NKAIN3: variants seen among roughly 807,000 people sequenced by gnomAD.
NKAIN3 encodes sodium/potassium-transporting ATPase subunit beta-1-interacting protein 3.
A neutral mutation model predicts 30.2 loss-of-function variants in NKAIN3; 25 were observed. The observed-to-expected ratio is 0.83, with a 90% CI of 0.60 to 1.16. The LOEUF is 1.16. Ranked by LOEUF, NKAIN3 falls within the 50% of genes most tolerant of loss-of-function variation. The pLI, the probability that NKAIN3 is intolerant of heterozygous loss-of-function variation, is 0.00. For missense variants in NKAIN3, 225 were observed against 254.1 expected (o/e 0.89, Z 0.78); for synonymous variants, 91 against 89.6 (o/e 1.02, Z -0.09).
chr8:62,851,145 G>A (rs1006302372), intron 4 of NKAIN3, among the ~76,000 whole-genome samples: 10 of 152,034 alleles, frequency 6.6e-5, no homozygotes, highest in African/African-American at 2.4e-4. Context: ...GCAGTGGTTT[G>A]TAGTTCTCCT....
At chr8:62,575,513 C>T (rs1336988890) in intron 1 of NKAIN3, among the ~76,000 whole-genome samples, 1 of 152,046 alleles carries the variant, frequency 6.6e-6, no homozygotes, top group Non-Finnish European at 1.5e-5. Context: ...TTGAAAGAAT[C>T]AATATTGTTA....
At chr8:62,503,546 G>A (rs879539452) in intron 1 of NKAIN3, among the ~76,000 whole-genome samples, 1 of 152,064 alleles carries the variant, frequency 6.6e-6, no homozygotes, top group African/African-American at 2.4e-5. Flanking sequence ...TAAGCCTGAG[G>A]GTACTGCAGG....
chr8:62,402,774 A>C (rs1441683714), intron 1 of NKAIN3, among the ~76,000 whole-genome samples: 5 of 152,170 alleles, frequency 3.3e-5, no homozygotes, highest in Non-Finnish European at 7.3e-5. Context: ...CCGCGTGGGA[A>C]CAGACTAATA....
chr8:62,850,347 G>C (rs1004487530), intron 4 of NKAIN3, among the ~76,000 whole-genome samples: 2 of 152,022 alleles, frequency 1.3e-5, no homozygotes, highest in African/African-American at 4.8e-5. Context: ...TGTAGATTCT[G>C]CATATTAGCC....
chr8:62,485,159 G>T (rs911662304), intron 1 of NKAIN3, among the ~76,000 whole-genome samples: 1 of 151,994 alleles, frequency 6.6e-6, no homozygotes, highest in Non-Finnish European at 1.5e-5. Context: ...AAATTCTGGT[G>T]CCTCCTGCTT....
intron 1 of NKAIN3, among the ~76,000 whole-genome samples, chr8:62,399,364 A>C (rs1398089834): frequency 1.3e-5 from 2 of 151,624 alleles, no homozygotes. Flanking sequence ...AAATTAGCAG[A>C]GAGTGGTGGT....
chr8:62,992,878 A>G (rs1326831908), intron 5 of NKAIN3, among the ~76,000 whole-genome samples: 12 of 152,180 alleles, frequency 7.9e-5, no homozygotes, highest in Non-Finnish European at 1.8e-4. Context: ...CTTCGTGCAT[A>G]AGAGCAATCT....
At chr8:62,539,694 A>G (rs1264790636) in intron 1 of NKAIN3, among the ~76,000 whole-genome samples, 5 of 152,128 alleles carry the variant, frequency 3.3e-5, no homozygotes, top group African/African-American at 7.2e-5. Flanking sequence ...AGCTCAAGCA[A>G]TCCTCCCACC....
chr8:62,876,540 A>G (rs932362825), intron 4 of NKAIN3, among the ~76,000 whole-genome samples: 2 of 152,236 alleles, frequency 1.3e-5, no homozygotes, highest in Non-Finnish European at 2.9e-5. Context: ...ACTATTTACA[A>G]TAGCAAAGAC....
chr8:62,933,548 G>C (rs1010955543), intron 5 of NKAIN3, among the ~76,000 whole-genome samples: 6 of 152,094 alleles, frequency 3.9e-5, no homozygotes, highest in African/African-American at 9.7e-5. Flanking sequence ...TTACCTTTTG[G>C]ACCATGATTT....
intron 3 of NKAIN3, among the ~76,000 whole-genome samples, chr8:62,626,574 C>T (rs947535714): frequency 6.6e-6 from 1 of 152,028 alleles, no homozygotes; most frequent in South Asian, 2.1e-4. Flanking sequence ...TGTCTAAAGG[C>T]GGGGGCTTTG....
chr8:62,364,282 C>T (rs1816657442), intron 1 of NKAIN3, among the ~76,000 whole-genome samples: 1 of 152,120 alleles, frequency 6.6e-6, no homozygotes, highest in Non-Finnish European at 1.5e-5. Context: ...ATTAGCAAGT[C>T]AGGACTTGTA....
chr8:62,776,111 A>T (rs2130644753), intron 4 of NKAIN3, among the ~76,000 whole-genome samples: 1 of 152,080 alleles, frequency 6.6e-6, no homozygotes, highest in East Asian at 1.9e-4. Context: ...TTCCATTTGC[A>T]TGAAATACTT....
At chr8:62,455,641 CACTTGT>C (rs1178467814) in intron 1 of NKAIN3, among the ~76,000 whole-genome samples, 2 of 152,190 alleles carry the variant, frequency 1.3e-5, no homozygotes, top group Non-Finnish European at 2.9e-5. Context: ...GCATGTAATA[CACTTGT>C]ACTTGTACCC....
intron 1 of NKAIN3, among the ~76,000 whole-genome samples, chr8:62,323,681 G>T (rs1354738819): frequency 6.6e-6 from 1 of 152,072 alleles, no homozygotes; most frequent in Non-Finnish European, 1.5e-5. Context: ...CTTGACACAA[G>T]TGCCTCCATT....
rs1817145173 is a variant in NKAIN3 at position 62,377,902 on chromosome 8, AAT to A, written c.54+128777_54+128778del. Among the ~76,000 whole-genome samples, 3 of 152,184 alleles carry A rather than the reference AAT, an allele frequency of 2.0e-5. No individual in the cohort carries two copies. The South Asian group carries it at 6.2e-4, about 31-fold the overall frequency. ...CTTCATAGTGATGTGAGAATGGACTAATACAGTAAATTGATATCAGAAATGGG... is the reference window on the plus strand; with the variant it reads ...CTTCATAGTGATGTGAGAATGGACTAACAGTAAATTGATATCAGAAATGGG... On this transcript the variant is annotated intron_variant, in intron 1 of 6. Coordinates refer to ENST00000623646, the MANE Select transcript of NKAIN3 (RefSeq NM_001304533.3).
chr8:62,318,615 G>A (rs528865024), intron 1 of NKAIN3, among the ~76,000 whole-genome samples: 1 of 149,726 alleles, frequency 6.7e-6, no homozygotes, highest in Non-Finnish European at 1.5e-5. Flanking sequence ...CATTGGTTCT[G>A]TTTATATGCT....
chr8:62,341,484 G>A (rs1008453524), intron 1 of NKAIN3, among the ~76,000 whole-genome samples: 1 of 151,938 alleles, frequency 6.6e-6, no homozygotes, highest in Non-Finnish European at 1.5e-5. Flanking sequence ...GGCAAGAGAG[G>A]TCACATTGCT....
intron 3 of NKAIN3, among the ~76,000 whole-genome samples, chr8:62,685,095 G>A (rs1156353766): frequency 6.6e-6 from 1 of 151,934 alleles, no homozygotes; most frequent in East Asian, 1.9e-4. Flanking sequence ...CCAAGTTGTT[G>A]TACAGGCTCT....
Sources: allele counts gnomAD v4.1 joint callset (sites outside exome capture counted in the v4.1 genomes callset), GRCh38; gene constraint gnomAD v4.1.1; transcripts MANE v1.5; gene names NCBI Gene and HGNC (gene_info 2026-07-23, HGNC 2026-07-21).